Variants in SDK1 observed in about 807,000 individuals in gnomAD.
SDK1 encodes protein sidekick-1.
In SDK1, 157 loss-of-function variants were observed where a neutral mutation model predicts 245.5. The ratio of observed to expected loss-of-function variants is 0.64; its 90% CI spans 0.56 to 0.73. The LOEUF (loss-of-function observed/expected upper bound fraction) is 0.73. Ranked by LOEUF, SDK1 falls within the 30% of genes least tolerant of loss-of-function variation. The probability of loss-of-function intolerance (pLI) is 0.00; values close to 1 mark genes in which losing one functional copy is unlikely to be tolerated. For missense variants in SDK1, 3,583 were observed against 3,002.3 expected, an observed-to-expected ratio of 1.19 and a Z score of -4.52; for synonymous variants, 1,647 against 1,278.5, an observed-to-expected ratio of 1.29 and a Z score of -6.15.
chr7:3,967,396 T>G lies in SDK1; in HGVS notation c.1508T>G (p.Val503Gly), dbSNP rs375939533. Residue 503 changes from valine (V) to glycine (G), a missense_variant, in exon 10 of 45, where the codon GTG becomes GGG. Physicochemically the swap from Val to Gly is moderately radical, Grantham distance 109 (BLOSUM62 -3). Coordinates refer to ENST00000404826, the MANE Select transcript of SDK1 (RefSeq NM_152744.4). ...ATGACAGCCATTCTAAGGTGTGAGG[T>G]GTCCGGGGCTCCCAAACCCGCCATC... ...DGMTAILRCEVSGAPKPAITW... is the reference protein window; with the variant it reads ...DGMTAILRCEGSGAPKPAITW... The G allele has an allele frequency of 6.2e-7, 1 of 1,614,016 alleles. No individual in the cohort carries two copies. Among genetic ancestry groups the G allele is most frequent in the Non-Finnish European group, 8.5e-7 (1 of 1,179,964 alleles).
At chr7:4,056,713 A>G (rs60864863) in intron 19 of SDK1, among the ~76,000 whole-genome samples, 2,009 of 152,186 alleles carry the variant, frequency 0.013, 47 homozygotes, top group African/African-American at 0.047. Context: ...TGCTCCAGAG[A>G]GGGAGCCCAC....
chr7:3,418,318 GAAAC>G (rs1779437431), intron 1 of SDK1, among the ~76,000 whole-genome samples: 1 of 151,966 alleles, frequency 6.6e-6, no homozygotes, highest in African/African-American at 2.4e-5. Flanking sequence ...CTCCATCTCA[GAAAC>G]AAACAACTCC....
At chr7:3,938,964 C>T (rs1583591937) in intron 5 of SDK1, among the ~76,000 whole-genome samples, 1 of 152,174 alleles carries the variant, frequency 6.6e-6, no homozygotes, top group African/African-American at 2.4e-5. Context: ...AAAGAAACTG[C>T]TGGATTGTCA....
At chr7:3,968,903 T>A (rs1782274221) in intron 10 of SDK1, among the ~76,000 whole-genome samples, 1 of 152,242 alleles carries the variant, frequency 6.6e-6, no homozygotes, top group Non-Finnish European at 1.5e-5. Flanking sequence ...GACTCACAGT[T>A]CTGCATAGCT....
chr7:3,749,244 C>T (rs1338293048), intron 4 of SDK1, among the ~76,000 whole-genome samples: 1 of 152,116 alleles, frequency 6.6e-6, no homozygotes, highest in African/African-American at 2.4e-5. Context: ...TCAAGCAATT[C>T]TCCTGCCTCA....
At chr7:3,839,492 G>C (rs796220975) in intron 5 of SDK1, among the ~76,000 whole-genome samples, 2 of 152,112 alleles carry the variant, frequency 1.3e-5, no homozygotes, top group African/African-American at 4.8e-5. Flanking sequence ...CGAGGAATTG[G>C]GTGAAATTGT....
At chr7:3,645,147 A>T (rs1177711304) in intron 4 of SDK1, among the ~76,000 whole-genome samples, 1 of 152,212 alleles carries the variant, frequency 6.6e-6, no homozygotes, top group Non-Finnish European at 1.5e-5. Context: ...TTAATTTCAT[A>T]AATTTTTTAA....
At chr7:4,031,236 T>C (rs1787798655) in intron 17 of SDK1, among the ~76,000 whole-genome samples, 1 of 152,228 alleles carries the variant, frequency 6.6e-6, no homozygotes, top group African/African-American at 2.4e-5. Context: ...CATGCAGTTA[T>C]CAGATAAAAT....
chr7:3,776,144 G>C (rs896462018), intron 4 of SDK1, among the ~76,000 whole-genome samples: 1 of 152,230 alleles, frequency 6.6e-6, no homozygotes, highest in Non-Finnish European at 1.5e-5. Flanking sequence ...ACTATCTGTT[G>C]AATGAATACA....
chr7:3,658,726 T>A (rs1382688859), intron 4 of SDK1, among the ~76,000 whole-genome samples: 1 of 151,574 alleles, frequency 6.6e-6, no homozygotes, highest in Non-Finnish European at 1.5e-5. Context: ...GAAATCCTCA[T>A]GTCTCAGCCT....
chr7:3,654,441 G>C (rs945454318), intron 4 of SDK1, among the ~76,000 whole-genome samples: 3 of 152,170 alleles, frequency 2.0e-5, no homozygotes, highest in African/African-American at 7.2e-5. Context: ...TCCGATGCTT[G>C]TGAGGATTTC....
intron 4 of SDK1, among the ~76,000 whole-genome samples, chr7:3,652,609 AAG>A (rs965178092): frequency 6.6e-6 from 1 of 152,176 alleles, no homozygotes; most frequent in African/African-American, 2.4e-5. Context: ...CTGGTGTGAG[AAG>A]AGAGAGTATT....
intron 1 of SDK1, among the ~76,000 whole-genome samples, chr7:3,366,713 T>G (rs1267010325): frequency 6.6e-6 from 1 of 152,136 alleles, no homozygotes; most frequent in East Asian, 1.9e-4. Flanking sequence ...TATTTGTATA[T>G]TGGATTTTTG....
intron 4 of SDK1, among the ~76,000 whole-genome samples, chr7:3,754,684 G>C (rs374250298): frequency 9.9e-5 from 15 of 152,234 alleles, no homozygotes; most frequent in African/African-American, 3.4e-4. Flanking sequence ...AAGGGGAAGG[G>C]GGGTGGGGGG....
At chr7:3,711,530 G>A (rs1785051810) in intron 4 of SDK1, among the ~76,000 whole-genome samples, 1 of 152,190 alleles carries the variant, frequency 6.6e-6, no homozygotes, top group African/African-American at 2.4e-5. Flanking sequence ...GCTCTAGGGA[G>A]GTGACATTTG....
At position 3,952,090 on chromosome 7, in the gene SDK1, A is replaced by G. The variant is rs1048059775; in HGVS notation, c.1150+170A>G. The G allele has an allele frequency of 1.8e-4, 114 of 628,338 alleles. No homozygotes were observed. In the African/African-American group the frequency reaches 1.9e-3, roughly 11 times the overall value. The allele number at this position is 628,338 out of a possible 1,614,324, so 38.9% of individuals were successfully genotyped here. ...CTTCCTAGCCTTCTTTCCCAAGAAT[A>G]TAAGTCCATTAAATCCAAAGTGTTG... On this transcript the variant is annotated intron_variant, in intron 7 of 44. Coordinates refer to ENST00000404826, the MANE Select transcript of SDK1 (RefSeq NM_152744.4).
chr7:3,494,075 C>T (rs966199169), intron 1 of SDK1, among the ~76,000 whole-genome samples: 2 of 152,124 alleles, frequency 1.3e-5, no homozygotes, highest in Admixed American at 6.5e-5. Flanking sequence ...ACTCTGATCT[C>T]ATTTATTTAG....
At chr7:3,475,497 C>A (rs1781325126) in intron 1 of SDK1, among the ~76,000 whole-genome samples, 1 of 152,218 alleles carries the variant, frequency 6.6e-6, no homozygotes, top group Non-Finnish European at 1.5e-5. Context: ...TCAAGCAGGA[C>A]AAAGGAGATG....
intron 1 of SDK1, among the ~76,000 whole-genome samples, chr7:3,590,881 C>G (rs1193930968): frequency 6.6e-6 from 1 of 150,862 alleles, no homozygotes; most frequent in South Asian, 2.1e-4. Flanking sequence ...CTCCCAGGCT[C>G]AAGCGATCCT....
Sources: allele counts gnomAD v4.1 joint callset (sites outside exome capture counted in the v4.1 genomes callset), GRCh38; gene constraint gnomAD v4.1.1; transcripts MANE v1.5; gene names NCBI Gene and HGNC (gene_info 2026-07-23, HGNC 2026-07-21).